The following FRMD5 variants were observed in gnomAD, a reference collection of about 807,000 sequenced individuals.
FRMD5 encodes the protein FERM domain-containing protein 5.
In FRMD5, 20 loss-of-function variants were observed where a neutral mutation model predicts 69.0. The observed-to-expected ratio is 0.29, with a 90% confidence interval of 0.20 to 0.42. The LOEUF (loss-of-function observed/expected upper bound fraction) is 0.42, where lower values mean the gene tolerates loss of function less well. Among genes scored for constraint, FRMD5 ranks in the 10% least tolerant of loss-of-function variants. FRMD5 has a pLI of 1.00. For synonymous variants in FRMD5, 271 were observed against 260.1 expected, an observed-to-expected ratio of 1.04 and a Z score of -0.40; for missense variants, 595 against 708.6, an observed-to-expected ratio of 0.84 and a Z score of 1.82.
At chr15:43,903,321 C>T (rs893365259) in intron 6 of FRMD5, among the ~76,000 whole-genome samples, 12 of 152,202 alleles carry the variant, frequency 7.9e-5, no homozygotes, top group Admixed American at 3.3e-4. Flanking sequence ...TCATTTGCCT[C>T]AGGTGATATG....
chr15:44,079,663 T>A (rs1251461997), intron 1 of FRMD5, among the ~76,000 whole-genome samples: 2 of 152,172 alleles, frequency 1.3e-5, no homozygotes, highest in African/African-American at 4.8e-5. Context: ...TGTACACCCA[T>A]GTTCATAGCA....
At position 43,994,760 on chromosome 15, in the gene FRMD5, C is replaced by A. The variant is rs75249689; in HGVS notation, c.103-70451G>T. On this transcript the variant is annotated intron_variant, in intron 1 of 13. Coordinates refer to ENST00000417257, the MANE Select transcript of FRMD5 (RefSeq NM_032892.5). ...AGCATTTTTAAATAGTTTTGCCTAA[C>A]CTTCATGCTAAAGATATAAGTAACT... is the stretch of plus-strand genomic sequence containing the variant. Among the ~76,000 whole-genome samples, 82 of 152,332 alleles carry A rather than the reference C, an allele frequency of 5.4e-4. No individual in the cohort carries two copies. The East Asian group carries it at 9.6e-3, about 18-fold the overall frequency.
chr15:44,013,920 G>T lies in FRMD5; in HGVS notation c.103-89611C>A, dbSNP rs144503430. ...TGCCCAGGCTGGAGTGCAGTGCTGC[G>T]ATCTCAGCTCACTGCAAGCTCCACC... is the stretch of plus-strand genomic sequence containing the variant. On this transcript the variant is annotated intron_variant, in intron 1 of 13. Transcript: ENST00000417257. 1.1e-3 allele frequency among the ~76,000 whole-genome samples: 158 copies of T among 148,716 alleles called. No homozygotes were observed. In the Middle Eastern group the frequency reaches 0.018, roughly 17 times the overall value.
chr15:43,913,333 C>A (rs187470570), intron 4 of FRMD5, among the ~76,000 whole-genome samples: 5 of 152,318 alleles, frequency 3.3e-5, no homozygotes, highest in Non-Finnish European at 1.5e-5. Flanking sequence ...AAAGGATACA[C>A]CAGTATCCTA....
chr15:43,915,971 G>C (rs924888332), intron 4 of FRMD5, among the ~76,000 whole-genome samples: 20 of 152,184 alleles, frequency 1.3e-4, no homozygotes, highest in African/African-American at 4.1e-4. Flanking sequence ...TGAATGAGGA[G>C]AAAAATGCAG....
intron 1 of FRMD5, among the ~76,000 whole-genome samples, chr15:44,171,023 A>G (rs1229914500): frequency 6.6e-6 from 1 of 152,184 alleles, no homozygotes; most frequent in African/African-American, 2.4e-5. Context: ...TATGTTTTTT[A>G]AAAACACACA....
At chr15:44,132,106 G>T (rs1220607474) in intron 1 of FRMD5, among the ~76,000 whole-genome samples, 1 of 152,144 alleles carries the variant, frequency 6.6e-6, no homozygotes, top group Non-Finnish European at 1.5e-5. Flanking sequence ...GGAGTGCGCA[G>T]CCTAGATCCC....
chr15:44,126,148 C>T (rs2077022255), intron 1 of FRMD5, among the ~76,000 whole-genome samples: 1 of 152,140 alleles, frequency 6.6e-6, no homozygotes, highest in African/African-American at 2.4e-5. Context: ...ATAATCAGTA[C>T]CAGGATCATT....
intron 1 of FRMD5, among the ~76,000 whole-genome samples, chr15:44,031,537 G>C (rs1238097504): frequency 6.6e-6 from 1 of 151,954 alleles, no homozygotes; most frequent in African/African-American, 2.4e-5. Context: ...GGAGAAATCT[G>C]GTATCTTCAA....
chr15:44,075,112 T>C (rs1893704356), intron 1 of FRMD5, among the ~76,000 whole-genome samples: 1 of 152,174 alleles, frequency 6.6e-6, no homozygotes, highest in Non-Finnish European at 1.5e-5. Context: ...ATAGAACATG[T>C]TTGCTTCTTC....
intron 1 of FRMD5, among the ~76,000 whole-genome samples, chr15:44,058,450 A>T (rs1892956435): frequency 6.6e-6 from 1 of 152,218 alleles, no homozygotes; most frequent in East Asian, 1.9e-4. Flanking sequence ...TCCGTGAATA[A>T]GCTTAAAGCC....
At chr15:43,885,625 C>G in intron 11 of FRMD5, 56 bp downstream of exon 11, 1 of 1,454,052 alleles carries the variant, frequency 6.9e-7, no homozygotes, top group Non-Finnish European at 9.7e-7. Flanking sequence ...CCACTGAGTT[C>G]TCCAGAGAAG....
At chr15:44,071,213 T>A (rs1036522657) in intron 1 of FRMD5, among the ~76,000 whole-genome samples, 1 of 152,192 alleles carries the variant, frequency 6.6e-6, no homozygotes, top group Non-Finnish European at 1.5e-5. Context: ...CACATCCACT[T>A]GGTGCCTTCC....
At chr15:44,113,733 A>T (rs985468600) in intron 1 of FRMD5, among the ~76,000 whole-genome samples, 3 of 152,164 alleles carry the variant, frequency 2.0e-5, no homozygotes, top group Non-Finnish European at 4.4e-5. Context: ...AGCCTCTAGT[A>T]ATCATCTTAC....
chr15:43,966,318 G>C (rs118014806), intron 1 of FRMD5, among the ~76,000 whole-genome samples: 1,866 of 152,276 alleles, frequency 0.012, 22 homozygotes, highest in Non-Finnish European at 0.021. Flanking sequence ...GTTGCAGTGA[G>C]AGGAGATCTC....
At chr15:44,035,963 C>T (rs1011723026) in intron 1 of FRMD5, among the ~76,000 whole-genome samples, 1 of 152,204 alleles carries the variant, frequency 6.6e-6, no homozygotes, top group East Asian at 1.9e-4. Flanking sequence ...GACAGATCTT[C>T]CTCGTAGTAA....
intron 1 of FRMD5, among the ~76,000 whole-genome samples, chr15:44,098,712 T>C (rs780508026): frequency 3.9e-5 from 6 of 152,218 alleles, no homozygotes; most frequent in Admixed American, 3.3e-4. Flanking sequence ...CCTGTCACAG[T>C]TGTGACTTAA....
intron 7 of FRMD5, among the ~76,000 whole-genome samples, chr15:43,895,920 G>A (rs983360593): frequency 9.9e-5 from 15 of 152,232 alleles, no homozygotes; most frequent in East Asian, 9.6e-4. Context: ...TGAGCCTGCC[G>A]TTGGAGTTTG....
At chr15:43,956,055 G>A (rs1444843393) in intron 1 of FRMD5, among the ~76,000 whole-genome samples, 2 of 152,064 alleles carry the variant, frequency 1.3e-5, no homozygotes, top group South Asian at 2.1e-4. Flanking sequence ...TCACTATTTC[G>A]ACTAATAATT....
Sources: gnomAD v4.1 joint callset for allele counts (sites outside exome capture counted in the v4.1 genomes callset) on GRCh38, gnomAD v4.1.1 for gene constraint, MANE v1.5 for transcripts, NCBI Gene and HGNC (gene_info 2026-07-23, HGNC 2026-07-21) for gene names.